The following TMTC1 variants were observed in gnomAD, a reference collection of about 807,000 sequenced individuals.
TMTC1 encodes the protein protein O-mannosyl-transferase TMTC1.
A neutral mutation model predicts 104.8 loss-of-function variants in TMTC1; 73 were observed. The ratio of observed to expected loss-of-function variants is 0.70; its 90% CI spans 0.58 to 0.85. The LOEUF (loss-of-function observed/expected upper bound fraction) is 0.85. TMTC1 is among the 40% of genes least tolerant of loss of function. The pLI is 0.00. For synonymous variants in TMTC1, 434 were observed against 428.7 expected, an observed-to-expected ratio of 1.01 and a Z score of -0.15; for missense variants, 1,035 against 1,096.1, an observed-to-expected ratio of 0.94 and a Z score of 0.79.
At chr12:29,604,059 T>C in intron 7 of TMTC1, 119 bp downstream of exon 7, 2 of 1,341,298 alleles carry the variant, frequency 1.5e-6, no homozygotes, top group Non-Finnish European at 2.0e-6. Context: ...GCTGAAATAA[T>C]AATATCCCTT....
chr12:29,693,310 C>T (rs1368800867), intron 5 of TMTC1, among the ~76,000 whole-genome samples: 2 of 144,646 alleles, frequency 1.4e-5, no homozygotes, highest in African/African-American at 5.1e-5. Flanking sequence ...GTGTGCTGAT[C>T]AAATCAGGAT....
Position 29,783,175 on chromosome 12 carries a change from G to T in TMTC1, c.302+275C>A. 1 of 365,628 alleles carries T rather than the reference G, an allele frequency of 2.7e-6. No homozygotes were observed. Among genetic ancestry groups the T allele is most frequent in the Non-Finnish European group, 4.9e-6 (1 of 205,594 alleles). 22.6% of individuals were successfully genotyped at this position (365,628 alleles called of 1,614,324 possible). The stretch of plus-strand genomic sequence containing the variant: ...GTTTCACCAGCCCGCTCCCAGCCCT[G>T]CCTCGAGAGAGAAGCCCGCTGAGAG... On this transcript the variant is annotated intron_variant, in intron 1 of 17. Coordinates refer to ENST00000539277, the MANE Select transcript of TMTC1 (RefSeq NM_001193451.2). This position sits in a 1 kb window ranked among gnomAD's most constrained non-coding sequence, Gnocchi z 4.7.
At chr12:29,511,292 C>G (rs1943829154) in intron 17 of TMTC1, among the ~76,000 whole-genome samples, 1 of 152,088 alleles carries the variant, frequency 6.6e-6, no homozygotes, top group Admixed American at 6.6e-5. Context: ...TCTCCTCCTC[C>G]TCCTCCTTGT....
At chr12:29,527,269 C>A (rs1944374535) in intron 11 of TMTC1, among the ~76,000 whole-genome samples, 1 of 152,128 alleles carries the variant, frequency 6.6e-6, no homozygotes, top group Non-Finnish European at 1.5e-5. Flanking sequence ...CTGAGAAAGA[C>A]AACATGAGAC....
intron 5 of TMTC1, among the ~76,000 whole-genome samples, chr12:29,704,015 C>G (rs6487844): frequency 0.19 from 29,612 of 152,082 alleles, 3,321 homozygotes; most frequent in Non-Finnish European, 0.27. Context: ...CCATGTGAAA[C>G]TGTGAGTCCA....
At chr12:29,750,617 A>G (rs1943066964) in intron 5 of TMTC1, among the ~76,000 whole-genome samples, 1 of 152,216 alleles carries the variant, frequency 6.6e-6, no homozygotes, top group Admixed American at 6.5e-5. Flanking sequence ...GGAAACAAAG[A>G]CTGCAGAAAG....
chr12:29,522,732 C>T (rs187974921), intron 11 of TMTC1, among the ~76,000 whole-genome samples: 3 of 152,230 alleles, frequency 2.0e-5, no homozygotes, highest in Non-Finnish European at 2.9e-5. Flanking sequence ...TGGTTAAGAA[C>T]GAGGCTCCCA....
chr12:29,549,843 C>T (rs990945132), intron 10 of TMTC1, among the ~76,000 whole-genome samples: 2 of 152,140 alleles, frequency 1.3e-5, no homozygotes, highest in African/African-American at 4.8e-5. Flanking sequence ...AATGAATTTT[C>T]AACAGCTCTT....
At chr12:29,711,138 A>G (rs1351522920) in intron 5 of TMTC1, among the ~76,000 whole-genome samples, 1 of 151,332 alleles carries the variant, frequency 6.6e-6, no homozygotes. Context: ...ATGCACCACC[A>G]TGCCTGGGTA....
intron 5 of TMTC1, among the ~76,000 whole-genome samples, chr12:29,733,357 G>GC (rs199686600): frequency 0.025 from 3,809 of 152,270 alleles, 72 homozygotes; most frequent in Middle Eastern, 0.054. Context: ...GGGGGTAACT[G>GC]CGTGGGTCAG....
At chr12:29,661,334 G>C (rs188422327) in intron 5 of TMTC1, 1 of 978,542 alleles carries the variant, frequency 1.0e-6, no homozygotes, top group Admixed American at 6.2e-5. Context: ...TAATTTGAAG[G>C]CTCCAATGTC....
intron 9 of TMTC1, among the ~76,000 whole-genome samples, chr12:29,570,220 T>C (rs187299622): frequency 7.2e-5 from 11 of 152,196 alleles, no homozygotes; most frequent in African/African-American, 2.6e-4. Context: ...ATATGTACCC[T>C]TGAAGGAATA....
intron 5 of TMTC1, among the ~76,000 whole-genome samples, chr12:29,635,876 C>T (rs764488769): frequency 3.6e-4 from 54 of 152,068 alleles, no homozygotes; most frequent in Non-Finnish European, 6.0e-4. Flanking sequence ...AGGGCATTTG[C>T]AAATTAAAAG....
chr12:29,546,739 AT>A (rs1284707272), intron 10 of TMTC1, among the ~76,000 whole-genome samples: 1 of 152,146 alleles, frequency 6.6e-6, no homozygotes, highest in African/African-American at 2.4e-5. Flanking sequence ...CATTTCTCTT[AT>A]TCTTTTAATT....
intron 5 of TMTC1, among the ~76,000 whole-genome samples, chr12:29,732,062 T>C (rs1942557962): frequency 6.6e-6 from 1 of 152,214 alleles, no homozygotes; most frequent in Non-Finnish European, 1.5e-5. Context: ...GTATTAAGCA[T>C]TGTTGTAACT....
chr12:29,519,965 G>A (rs761611834), intron 12 of TMTC1: 3 of 152,192 alleles, frequency 2.0e-5, no homozygotes, highest in Non-Finnish European at 4.4e-5. Flanking sequence ...AGCTAGTCTA[G>A]TAATCAACAA....
intron 5 of TMTC1, among the ~76,000 whole-genome samples, chr12:29,736,261 CAAAAAAAA>C (rs367958905): frequency 1.1e-5 from 1 of 88,572 alleles, no homozygotes. Flanking sequence ...TAGGTAAAGC[CAAAAAAAA>C]AAAAAAAAAA....
chr12:29,692,983 T>C (rs1232329685), intron 5 of TMTC1, among the ~76,000 whole-genome samples: 1 of 145,064 alleles, frequency 6.9e-6, no homozygotes, highest in Non-Finnish European at 1.5e-5. Flanking sequence ...TGCCTGGGGC[T>C]GGGATTAGGA....
At chr12:29,663,511 T>C (rs1482695008) in intron 5 of TMTC1, among the ~76,000 whole-genome samples, 1 of 151,972 alleles carries the variant, frequency 6.6e-6, no homozygotes, top group African/African-American at 2.4e-5. Flanking sequence ...TATTTTTAGG[T>C]AAATTTTCCT....
Sources: gnomAD v4.1 joint callset for allele counts (sites outside exome capture counted in the v4.1 genomes callset) on GRCh38, gnomAD v4.1.1 for gene constraint, Gnocchi (gnomAD v3.1) non-coding constraint, MANE v1.5 for transcripts, NCBI Gene and HGNC (gene_info 2026-07-23, HGNC 2026-07-21) for gene names.